NDUFAF6: variants seen among roughly 807,000 people sequenced by gnomAD.
NDUFAF6 encodes NADH dehydrogenase (ubiquinone) complex I, assembly factor 6.
NDUFAF6 carries 45 observed loss-of-function variants against 40.8 expected under a neutral mutation model. The observed-to-expected ratio is 1.10, with a 90% CI of 0.87 to 1.42. The LOEUF (loss-of-function observed/expected upper bound fraction) is 1.42, where lower values mean the gene tolerates loss of function less well. NDUFAF6 is among the 40% of genes most tolerant of loss of function. NDUFAF6 has a pLI of 0.00. For missense variants in NDUFAF6, 435 were observed against 418.5 expected, an observed-to-expected ratio of 1.04 and a Z score of -0.34; for synonymous variants, 185 against 155.9, an observed-to-expected ratio of 1.19 and a Z score of -1.39.
intron 7 of NDUFAF6, among the ~76,000 whole-genome samples, chr8:95,050,890 G>A (rs1831355148): frequency 6.6e-6 from 1 of 152,208 alleles, no homozygotes; most frequent in African/African-American, 2.4e-5. Flanking sequence ...GGCAAGACCA[G>A]ATAGAGGGAA....
intron 1 of NDUFAF6, chr8:94,974,749 T>C (rs1201183892): frequency 1.1e-5 from 2 of 178,590 alleles, no homozygotes; most frequent in Non-Finnish European, 2.4e-5. Flanking sequence ...ACCTGGAGCC[T>C]GTAGTCCATC....
chr8:95,045,435 A>G (rs1830627554), intron 4 of NDUFAF6, 110 bp from the exon 5 acceptor site: 3 of 742,292 alleles, frequency 4.0e-6, no homozygotes, highest in South Asian at 1.5e-5. Context: ...TAAATAACAT[A>G]TACTGAATAT....
intron 1 of NDUFAF6, among the ~76,000 whole-genome samples, chr8:94,909,582 C>T (rs62523075): frequency 0.14 from 21,341 of 151,110 alleles, 1,913 homozygotes; most frequent in Admixed American, 0.21. Context: ...GCTGAGGTCG[C>T]GCCACTGCAC....
At chr8:94,932,813 A>T (rs1820555968) in intron 1 of NDUFAF6, among the ~76,000 whole-genome samples, 1 of 151,918 alleles carries the variant, frequency 6.6e-6, no homozygotes, top group South Asian at 2.1e-4. Context: ...AAAAATAAAA[A>T]AAAAAGAATT....
At chr8:94,927,961 T>G (rs2131298541) in intron 1 of NDUFAF6, 1 of 152,046 alleles carries the variant, frequency 6.6e-6, no homozygotes, top group African/African-American at 2.4e-5. Context: ...CAGAGAATAC[T>G]TAACAGGTCA....
Position 95,053,048 on chromosome 8 carries a change from A to G in NDUFAF6, c.873+818A>G, listed in dbSNP as rs950312609. Among the ~76,000 whole-genome samples, 10 of 152,122 alleles carry G rather than the reference A, an allele frequency of 6.6e-5. No homozygotes were observed. In the East Asian group the frequency reaches 7.7e-4, roughly 12 times the overall value. On this transcript the variant is annotated intron_variant, in intron 8 of 8. Coordinates refer to ENST00000396124, the MANE Select transcript of NDUFAF6 (RefSeq NM_152416.4). ...ATCTTTGAAAATTGTAAACTTACAC[A>G]TTTTCTGTAATACCAAACATATCTT...
At chr8:94,929,220 A>G (rs1256419696) in intron 1 of NDUFAF6, 1 of 152,306 alleles carries the variant, frequency 6.6e-6, no homozygotes, top group Non-Finnish European at 1.5e-5. Flanking sequence ...GGAATTTCCT[A>G]CAAGGTTCAG....
chr8:95,008,470 AC>A (rs1474459734), intron 2 of NDUFAF6, among the ~76,000 whole-genome samples: 1 of 152,234 alleles, frequency 6.6e-6, no homozygotes, highest in Non-Finnish European at 1.5e-5. Flanking sequence ...CAGAGCTAGT[AC>A]TAAAAACAGT....
At position 94,935,531 on chromosome 8, in the gene NDUFAF6, A is replaced by G. The variant is rs186036042; in HGVS notation, c.-935-9952A>G. ...GTGACCAACAATTGCTTGGGGCAAT[A>G]GACAGATTGATTAATCAAGATAATG... On this transcript the variant is annotated intron_variant, in intron 1 of 14. Coordinates refer to the NDUFAF6 transcript ENST00000396113. Among the ~76,000 whole-genome samples the G allele has an allele frequency of 3.4e-3, 523 of 152,366 alleles. 3 individuals carry two copies. The highest frequency in any genetic ancestry group is 6.4e-3 in the Non-Finnish European group (434 of 68,036).
intron 2 of NDUFAF6, among the ~76,000 whole-genome samples, chr8:95,005,052 A>T (rs1826900432): frequency 6.6e-6 from 1 of 152,214 alleles, no homozygotes; most frequent in Admixed American, 6.5e-5. Flanking sequence ...TAGAAATAGC[A>T]GGATTTTTAG....
chr8:95,111,120 A>G (rs542646285), intron 4 of NDUFAF6, among the ~76,000 whole-genome samples: 2 of 152,276 alleles, frequency 1.3e-5, no homozygotes, highest in South Asian at 4.2e-4. Flanking sequence ...GGGGGTAGCC[A>G]GCGAACTCAA....
At position 95,035,483 on chromosome 8, in the gene NDUFAF6, T is replaced by C. The variant is rs376910137; in HGVS notation, c.327T>C (p.Ile109=). 21 of 1,613,696 alleles carry C rather than the reference T, an allele frequency of 1.3e-5. No individual in the cohort carries two copies. The African/African-American group carries it at 2.5e-4, about 19-fold the overall frequency. The change falls in exon 3 of 9, where the codon ATT becomes ATC. Residue 109 remains isoleucine, a synonymous_variant. Transcript: ENST00000396124. ...AAGACTCAGTCTCTGAGAAAACAATTGGACTGATGCGAATGCAGTTTTGGA... is the reference window on the plus strand; with the variant it reads ...AAGACTCAGTCTCTGAGAAAACAATCGGACTGATGCGAATGCAGTTTTGGA... ...QVKDSVSEKT[I]GLMRMQFWKK...
chr8:94,957,347 C>T (rs903653330), upstream of NDUFAF6, among the ~76,000 whole-genome samples: 1 of 152,040 alleles, frequency 6.6e-6, no homozygotes, highest in African/African-American at 2.4e-5. Flanking sequence ...TATTTATAGC[C>T]ATAGGACTGG....
chr8:95,055,661 A>G (rs1832033937), intron 8 of NDUFAF6, among the ~76,000 whole-genome samples: 1 of 152,220 alleles, frequency 6.6e-6, no homozygotes, highest in Non-Finnish European at 1.5e-5. Context: ...TTCTTTGCAG[A>G]GAAAGGGAGC....
chr8:95,026,042 G>A (rs913347801), intron 1 of NDUFAF6, among the ~76,000 whole-genome samples: 4 of 152,128 alleles, frequency 2.6e-5, no homozygotes, highest in African/African-American at 9.7e-5. Context: ...CTTACCAAAA[G>A]TACTTGAATG....
downstream of NDUFAF6, among the ~76,000 whole-genome samples, chr8:95,061,674 CAATA>C (rs1204144188): frequency 2.0e-5 from 3 of 152,022 alleles, no homozygotes; most frequent in South Asian, 4.1e-4. Flanking sequence ...ATTTATGGAA[CAATA>C]AATAGATAGG....
At chr8:94,990,877 G>T (rs1826161964) in intron 2 of NDUFAF6, among the ~76,000 whole-genome samples, 1 of 152,176 alleles carries the variant, frequency 6.6e-6, no homozygotes, top group South Asian at 2.1e-4. Flanking sequence ...ATGAACTCCA[G>T]GTTTCCCCAT....
At chr8:94,927,977 G>A (rs1416925941) in intron 1 of NDUFAF6, 1 of 151,742 alleles carries the variant, frequency 6.6e-6, no homozygotes, top group African/African-American at 2.4e-5. Flanking sequence ...GGTCAACATC[G>A]TTCTGTGTTG....
intron 2 of NDUFAF6, among the ~76,000 whole-genome samples, chr8:95,009,208 A>AT (rs989880345): frequency 6.6e-6 from 1 of 151,932 alleles, no homozygotes; most frequent in Non-Finnish European, 1.5e-5. Flanking sequence ...TCTAAAAAAA[A>AT]AAAAAACGAA....
Sources: gnomAD v4.1 joint callset for allele counts (sites outside exome capture counted in the v4.1 genomes callset) on GRCh38, gnomAD v4.1.1 for gene constraint, MANE v1.5 for transcripts, NCBI Gene and HGNC (gene_info 2026-07-23, HGNC 2026-07-21) for gene names.